Variants in PTPRM observed in about 807,000 individuals in gnomAD.
PTPRM encodes the protein receptor-type tyrosine-protein phosphatase mu.
A neutral mutation model predicts 186.7 loss-of-function variants in PTPRM; 47 were observed. The ratio of observed to expected loss-of-function variants is 0.25; its 90% CI spans 0.20 to 0.32. The LOEUF is 0.32. Ranked by LOEUF, PTPRM falls within the 10% of genes least tolerant of loss-of-function variation. The pLI is 1.00. For missense variants in PTPRM, 1,494 were observed against 1,865.0 expected (o/e 0.80, Z 3.66); for synonymous variants, 668 against 674.9 (o/e 0.99, Z 0.16).
intron 1 of PTPRM, among the ~76,000 whole-genome samples, chr18:7,571,359 T>C (rs550278159): frequency 2.0e-5 from 3 of 152,348 alleles, no homozygotes; most frequent in Non-Finnish European, 4.4e-5. Flanking sequence ...GGTATATAAG[T>C]AAGACATGAG....
chr18:7,660,162 G>A (rs905803778), intron 1 of PTPRM, among the ~76,000 whole-genome samples: 4 of 152,050 alleles, frequency 2.6e-5, no homozygotes, highest in East Asian at 3.9e-4. Flanking sequence ...CATGACAAAA[G>A]CCCATCTCTA....
At chr18:8,233,655 G>A (rs982413241) in intron 14 of PTPRM, among the ~76,000 whole-genome samples, 1 of 152,030 alleles carries the variant, frequency 6.6e-6, no homozygotes, top group African/African-American at 2.4e-5. Flanking sequence ...TTATTGGAAA[G>A]ATGTCTATCT....
chr18:8,402,156 A>C (rs570951965), intron 32 of PTPRM, among the ~76,000 whole-genome samples: 1 of 152,350 alleles, frequency 6.6e-6, no homozygotes, highest in East Asian at 1.9e-4. Flanking sequence ...CCTGGTAATC[A>C]AATGTAATCA....
At chr18:7,576,734 G>T (rs1342506929) in intron 1 of PTPRM, among the ~76,000 whole-genome samples, 1 of 152,296 alleles carries the variant, frequency 6.6e-6, no homozygotes, top group East Asian at 1.9e-4. Context: ...GCCTCCCAAA[G>T]TGCTGGGTTT....
intron 2 of PTPRM, among the ~76,000 whole-genome samples, chr18:7,887,709 G>A (rs116793713): frequency 2.1e-4 from 32 of 152,308 alleles, no homozygotes; most frequent in African/African-American, 6.5e-4. Context: ...CTTGTCACAC[G>A]TGGCTATTGA....
intron 14 of PTPRM, among the ~76,000 whole-genome samples, chr18:8,234,434 T>G (rs1490576890): frequency 6.6e-6 from 1 of 152,224 alleles, no homozygotes; most frequent in Non-Finnish European, 1.5e-5. Flanking sequence ...TAACCTGGTA[T>G]CCTGCAACCT....
intron 5 of PTPRM, among the ~76,000 whole-genome samples, chr18:7,928,448 C>A (rs1036001580): frequency 1.3e-5 from 2 of 152,152 alleles, no homozygotes; most frequent in African/African-American, 4.8e-5. Flanking sequence ...GAATTGTTTT[C>A]TCAGATAATG....
intron 1 of PTPRM, among the ~76,000 whole-genome samples, chr18:7,748,899 A>G (rs1440531885): frequency 6.6e-6 from 1 of 152,192 alleles, no homozygotes; most frequent in Non-Finnish European, 1.5e-5. Context: ...TGTTGACTAC[A>G]TGTCCTGAAA....
intron 26 of PTPRM, chr18:8,377,819 G>A (rs1165562345): frequency 6.5e-6 from 1 of 153,682 alleles, no homozygotes; most frequent in Non-Finnish European, 1.4e-5. Context: ...TAACTTTTAT[G>A]TTCTGAAATA....
intron 32 of PTPRM, among the ~76,000 whole-genome samples, chr18:8,402,382 G>A (rs1203652016): frequency 2.0e-5 from 3 of 152,170 alleles, no homozygotes; most frequent in South Asian, 2.1e-4. Context: ...GGGCAGCTTC[G>A]GTGACTTCCA....
At chr18:7,868,247 G>A (rs2047813554) in intron 2 of PTPRM, among the ~76,000 whole-genome samples, 2 of 152,254 alleles carry the variant, frequency 1.3e-5, no homozygotes, top group South Asian at 4.1e-4. Flanking sequence ...CTGGTGAGGA[G>A]TTGTGATCCT....
intron 5 of PTPRM, among the ~76,000 whole-genome samples, chr18:7,939,599 G>T (rs1024648999): frequency 6.6e-6 from 1 of 152,074 alleles, no homozygotes; most frequent in Non-Finnish European, 1.5e-5. Flanking sequence ...TATTTAACCC[G>T]GTCAGATATC....
intron 23 of PTPRM, among the ~76,000 whole-genome samples, chr18:8,358,604 G>A (rs966638029): frequency 3.9e-5 from 6 of 152,048 alleles, no homozygotes; most frequent in African/African-American, 1.2e-4. Context: ...TGACCTCTCC[G>A]CCTACTTTAG....
chr18:7,839,475 C>T (rs534313295), intron 2 of PTPRM, among the ~76,000 whole-genome samples: 1 of 152,206 alleles, frequency 6.6e-6, no homozygotes, highest in Non-Finnish European at 1.5e-5. Context: ...GTGTGTCTAG[C>T]AATGTCATCT....
intron 19 of PTPRM, among the ~76,000 whole-genome samples, chr18:8,283,215 A>G (rs923598084): frequency 6.6e-6 from 1 of 152,234 alleles, no homozygotes; most frequent in Non-Finnish European, 1.5e-5. Flanking sequence ...CCTGAGGTAC[A>G]GTTATGTGAG....
chr18:7,944,876 G>C (rs908064804), intron 5 of PTPRM, among the ~76,000 whole-genome samples: 2 of 152,056 alleles, frequency 1.3e-5, no homozygotes, highest in Non-Finnish European at 2.9e-5. Flanking sequence ...AACATCTCCA[G>C]GACTATAGTT....
chr18:7,688,566 C>T (rs910878714), intron 1 of PTPRM, among the ~76,000 whole-genome samples: 7 of 152,124 alleles, frequency 4.6e-5, no homozygotes, highest in Non-Finnish European at 7.3e-5. Context: ...CAGATGATGG[C>T]CTTCAGGAGT....
intron 22 of PTPRM, among the ~76,000 whole-genome samples, chr18:8,335,330 T>C (rs374405708): frequency 6.6e-6 from 1 of 150,974 alleles, no homozygotes; most frequent in Non-Finnish European, 1.5e-5. Flanking sequence ...TGCTACTGCG[T>C]CGCCAGTCAG....
intron 22 of PTPRM, among the ~76,000 whole-genome samples, chr18:8,331,020 G>A (rs975387372): frequency 1.3e-5 from 2 of 152,060 alleles, no homozygotes; most frequent in African/African-American, 4.8e-5. Context: ...ATCCTCTTTG[G>A]TGCCCTAATC....
Sources: allele counts gnomAD v4.1 joint callset (sites outside exome capture counted in the v4.1 genomes callset), GRCh38; gene constraint gnomAD v4.1.1; transcripts MANE v1.5; gene names NCBI Gene and HGNC (gene_info 2026-07-23, HGNC 2026-07-21).